Variants in SPATS2 observed in about 807,000 individuals in gnomAD.
SPATS2 encodes spermatogenesis-associated serine-rich protein 2.
Under a neutral mutation model 63.7 loss-of-function variants are expected in SPATS2, and 38 were observed. The observed-to-expected ratio is 0.60, with a 90% CI of 0.46 to 0.78. The LOEUF is 0.78. Among genes scored for constraint, SPATS2 ranks in the 30% least tolerant of loss-of-function variants. The probability of loss-of-function intolerance (pLI) is 0.00; values close to 1 mark genes in which losing one functional copy is unlikely to be tolerated. For missense variants in SPATS2, 588 were observed against 666.2 expected, an observed-to-expected ratio of 0.88 and a Z score of 1.29; for synonymous variants, 207 against 232.9, an observed-to-expected ratio of 0.89 and a Z score of 1.01.
At chr12:49,463,272 G>C (rs1233463003) in intron 3 of SPATS2, 5 of 151,720 alleles carry the variant, frequency 3.3e-5, no homozygotes, top group Non-Finnish European at 7.3e-5. Flanking sequence ...AATTAGCCGG[G>C]CGTGGTGGCG....
intron 1 of SPATS2, among the ~76,000 whole-genome samples, chr12:49,370,959 C>G (rs964208045): frequency 1.1e-4 from 17 of 152,224 alleles, no homozygotes; most frequent in African/African-American, 3.6e-4. Context: ...AGCAATCCAC[C>G]CGCCTTGGCC....
At chr12:49,494,453 A>AT (rs1305939130) in intron 6 of SPATS2, among the ~76,000 whole-genome samples, 1 of 151,608 alleles carries the variant, frequency 6.6e-6, no homozygotes, top group Non-Finnish European at 1.5e-5. Flanking sequence ...AGCTGCACAT[A>AT]TTTTTTTCAC....
At chr12:49,504,638 C>G (rs969577912) in intron 9 of SPATS2, among the ~76,000 whole-genome samples, 6 of 151,260 alleles carry the variant, frequency 4.0e-5, no homozygotes, top group Non-Finnish European at 7.4e-5. Flanking sequence ...AAAAGATTAT[C>G]AAGAAATTTG....
chr12:49,443,004 A>G (rs1310919504), intron 2 of SPATS2, among the ~76,000 whole-genome samples: 1 of 151,888 alleles, frequency 6.6e-6, no homozygotes, highest in Non-Finnish European at 1.5e-5. Flanking sequence ...TCCTTACAAC[A>G]TTTGTCCTTT....
chr12:49,497,227 C>T (rs1244826192), intron 8 of SPATS2, among the ~76,000 whole-genome samples: 1 of 152,130 alleles, frequency 6.6e-6, no homozygotes, highest in Non-Finnish European at 1.5e-5. Context: ...CTACTTACGA[C>T]GGCACGTTTT....
chr12:49,499,390 G>C (rs1415461384), intron 8 of SPATS2, among the ~76,000 whole-genome samples: 1 of 132,626 alleles, frequency 7.5e-6, no homozygotes, highest in Non-Finnish European at 1.6e-5. Context: ...TGTTCTGCCT[G>C]GTTGTTTTGT....
chr12:49,502,124 GAAC>G (rs879664814), intron 9 of SPATS2, among the ~76,000 whole-genome samples: 1 of 152,112 alleles, frequency 6.6e-6, no homozygotes, highest in Non-Finnish European at 1.5e-5. Flanking sequence ...TTCATGAAAA[GAAC>G]AAACCATACA....
intron 2 of SPATS2, among the ~76,000 whole-genome samples, chr12:49,451,646 G>A (rs7314467): frequency 0.1 from 15,899 of 152,262 alleles, 1,114 homozygotes; most frequent in South Asian, 0.22. Context: ...GATTACAGGC[G>A]TGAGCCATTG....
chr12:49,445,899 G>GTTTGTT (rs778024285), intron 2 of SPATS2, among the ~76,000 whole-genome samples: 2 of 151,628 alleles, frequency 1.3e-5, no homozygotes, highest in Non-Finnish European at 2.9e-5. Flanking sequence ...TGTTTTTTTG[G>GTTTGTT]TTTGTTTTTG....
chr12:49,475,446 T>C (rs1208608378), intron 3 of SPATS2, among the ~76,000 whole-genome samples: 1 of 152,132 alleles, frequency 6.6e-6, no homozygotes, highest in Non-Finnish European at 1.5e-5. Flanking sequence ...GTTGTTGTTG[T>C]TGTTGTTGTT....
chr12:49,499,165 C>T (rs1946519148), intron 8 of SPATS2, among the ~76,000 whole-genome samples: 1 of 152,170 alleles, frequency 6.6e-6, no homozygotes, highest in African/African-American at 2.4e-5. Context: ...GCATCTGCCT[C>T]TGTGATTGAT....
At chr12:49,457,295 T>G (rs187631254) in intron 2 of SPATS2, among the ~76,000 whole-genome samples, 1 of 152,314 alleles carries the variant, frequency 6.6e-6, no homozygotes, top group African/African-American at 2.4e-5. Flanking sequence ...ATTTATCTTC[T>G]TCATGTTATA....
rs572944025 is a variant in SPATS2 at position 49,468,214 on chromosome 12, C to T, written c.25+7177C>T. ...CTTGCTTTGTTGCCAGGCTGGAGTG[C>T]AGTGGCACGATCTTGGCTCACTGCA... On this transcript the variant is annotated intron_variant, in intron 3 of 13. Transcript: ENST00000552918. Among the ~76,000 whole-genome samples, 353 of 141,866 alleles carry T rather than the reference C, an allele frequency of 2.5e-3. 1 individual carries two copies. Among genetic ancestry groups the T allele is most frequent in the African/African-American group, 8.8e-3 (335 of 38,068 alleles). The allele number at this position is 141,866 out of a possible 152,430, so 93.1% of individuals were successfully genotyped here.
chr12:49,481,415 G>C (rs1946203106), intron 3 of SPATS2, among the ~76,000 whole-genome samples: 1 of 148,948 alleles, frequency 6.7e-6, no homozygotes, highest in Non-Finnish European at 1.5e-5. Context: ...GTTCCTGATA[G>C]AGTGAAATAA....
chr12:49,398,135 CAAAAAAAAAAAAAAAAAA>C (rs71080193), intron 2 of SPATS2, among the ~76,000 whole-genome samples: 1 of 45,394 alleles, frequency 2.2e-5, no homozygotes, highest in Admixed American at 3.1e-4. Context: ...GACCCTGTCT[CAAAAAAAAAAAAAAAAAA>C]AAAAAAAGAA....
chr12:49,461,075 G>T (rs1419966641), intron 3 of SPATS2, 38 bp downstream of exon 3: 20 of 1,605,966 alleles, frequency 1.2e-5, no homozygotes, highest in Admixed American at 1.7e-5. Flanking sequence ...TAAAAGCATA[G>T]TTATAATGAT....
At chr12:49,410,434 C>G (rs1198933011) in intron 2 of SPATS2, among the ~76,000 whole-genome samples, 2 of 152,110 alleles carry the variant, frequency 1.3e-5, no homozygotes, top group Non-Finnish European at 2.9e-5. Context: ...TGAATATACC[C>G]TAGCCACTTT....
intron 2 of SPATS2, among the ~76,000 whole-genome samples, chr12:49,432,532 A>G (rs991486542): frequency 3.3e-5 from 5 of 152,250 alleles, no homozygotes; most frequent in African/African-American, 7.2e-5. Context: ...ACATTGTTGT[A>G]TAACAGATCG....
chr12:49,379,501 C>T (rs1465612346), intron 2 of SPATS2, among the ~76,000 whole-genome samples: 2 of 134,276 alleles, frequency 1.5e-5, no homozygotes, highest in Non-Finnish European at 3.1e-5. Flanking sequence ...CAATGAGCCG[C>T]GATCACGCCA....
Sources: allele counts gnomAD v4.1 joint callset (sites outside exome capture counted in the v4.1 genomes callset), GRCh38; gene constraint gnomAD v4.1.1; transcripts MANE v1.5; gene names NCBI Gene and HGNC (gene_info 2026-07-23, HGNC 2026-07-21).